Variants in PRKD1 observed in about 807,000 individuals in gnomAD.
PRKD1 encodes serine/threonine-protein kinase D1.
In PRKD1, 63 loss-of-function variants were observed where a neutral mutation model predicts 95.9. The observed-to-expected ratio is 0.66, with a 90% CI of 0.54 to 0.81. The LOEUF (loss-of-function observed/expected upper bound fraction) is 0.81, where lower values mean the gene tolerates loss of function less well. PRKD1 is among the 30% of genes least tolerant of loss of function. The pLI is 0.00. For missense variants in PRKD1, 1,048 were observed against 1,165.3 expected, an observed-to-expected ratio of 0.90 and a Z score of 1.47; for synonymous variants, 425 against 423.1, an observed-to-expected ratio of 1.00 and a Z score of -0.05.
chr14:29,848,646 G>C (rs779908274), intron 1 of PRKD1, among the ~76,000 whole-genome samples: 1 of 149,588 alleles, frequency 6.7e-6, no homozygotes, highest in Non-Finnish European at 1.5e-5. Flanking sequence ...CACATTATCA[G>C]ATTCAAGTGT....
chr14:29,658,193 G>A (rs570393827), intron 4 of PRKD1, among the ~76,000 whole-genome samples: 131 of 152,126 alleles, frequency 8.6e-4, no homozygotes, highest in African/African-American at 3.0e-3. Flanking sequence ...TTTCTGGGCC[G>A]TCGTCACAAT....
At chr14:29,808,700 A>G (rs1261902298) in intron 1 of PRKD1, among the ~76,000 whole-genome samples, 1 of 151,902 alleles carries the variant, frequency 6.6e-6, no homozygotes, top group East Asian at 1.9e-4. Flanking sequence ...TTCAGGTTCT[A>G]CTTCTAATTC....
chr14:29,885,124 T>TTAA (rs1232960518), intron 1 of PRKD1, among the ~76,000 whole-genome samples: 88 of 131,064 alleles, frequency 6.7e-4, no homozygotes, highest in Non-Finnish European at 1.0e-3. Flanking sequence ...CTCCATCTTT[T>TTAA]AAAAAAAAAA....
chr14:29,599,792 T>C lies in PRKD1; in HGVS notation c.1931A>G (p.Asn644Ser), dbSNP rs1303078735. ...LQNLHHPGVV[N>S]LECMFETPER... ...AGGCGTCTCAAACATACACTCCAAA[T>C]TTACAACACCAGGGTGATGAAGGTT... Residue 644 changes from asparagine to serine, a missense_variant, in exon 14 of 18, where the codon AAT (asparagine) becomes AGT (serine). Around this residue, in one of 3 missense-constraint regions of PRKD1, gnomAD observed 739 missense variants for 861.9 expected, o/e 0.86. Transcript: ENST00000331968. 2 of 1,612,406 alleles carry C rather than the reference T, an allele frequency of 1.2e-6. No homozygotes were observed. The highest frequency in any genetic ancestry group is 1.3e-5 in the African/African-American group (1 of 74,858).
chr14:29,926,874 T>G (rs1038738029), intron 1 of PRKD1, among the ~76,000 whole-genome samples: 4 of 152,028 alleles, frequency 2.6e-5, no homozygotes, highest in African/African-American at 9.6e-5. Context: ...GCACCAGGAA[T>G]GCGCTGGTCC....
intron 2 of PRKD1, among the ~76,000 whole-genome samples, chr14:29,690,989 G>C (rs1884200782): frequency 6.6e-6 from 1 of 151,978 alleles, no homozygotes; most frequent in Non-Finnish European, 1.5e-5. Flanking sequence ...ATTTAGTTTT[G>C]ACTTGAACAA....
At chr14:29,790,654 T>C (rs944032010) in intron 1 of PRKD1, among the ~76,000 whole-genome samples, 4 of 152,204 alleles carry the variant, frequency 2.6e-5, no homozygotes, top group East Asian at 1.9e-4. Context: ...CTCTAAACTA[T>C]ACATCCTTCT....
chr14:29,898,637 A>C (rs989500390), intron 1 of PRKD1, among the ~76,000 whole-genome samples: 2 of 152,204 alleles, frequency 1.3e-5, no homozygotes, highest in Non-Finnish European at 2.9e-5. Context: ...AAACACCACT[A>C]GATTGATAAT....
At chr14:29,785,372 T>C (rs936036325) in intron 1 of PRKD1, among the ~76,000 whole-genome samples, 18 of 152,184 alleles carry the variant, frequency 1.2e-4, no homozygotes, top group African/African-American at 3.9e-4. Context: ...TTGGCTACTT[T>C]GTTACTGGTA....
At chr14:29,682,867 C>CA (rs1335028917) in intron 2 of PRKD1, among the ~76,000 whole-genome samples, 1 of 152,112 alleles carries the variant, frequency 6.6e-6, no homozygotes. Context: ...TGCCCAGAGT[C>CA]AAAATGCAAA....
At chr14:29,785,648 A>G (rs1889237008) in intron 1 of PRKD1, among the ~76,000 whole-genome samples, 1 of 150,856 alleles carries the variant, frequency 6.6e-6, no homozygotes, top group African/African-American at 2.4e-5. Flanking sequence ...CAGGAAGGGG[A>G]ACATCACACT....
At chr14:29,757,998 T>C (rs1887790124) in intron 1 of PRKD1, among the ~76,000 whole-genome samples, 1 of 151,924 alleles carries the variant, frequency 6.6e-6, no homozygotes, top group Admixed American at 6.6e-5. Context: ...ATAGCAGACA[T>C]AGGGGAAAAC....
chr14:29,924,781 G>A (rs1895240901), intron 1 of PRKD1, among the ~76,000 whole-genome samples: 2 of 152,008 alleles, frequency 1.3e-5, no homozygotes, highest in South Asian at 2.1e-4. Context: ...TGAAATAAAA[G>A]ACAAAAGAAC....
At chr14:29,806,892 ACAATAAAAC>A (rs1298157256) in intron 1 of PRKD1, among the ~76,000 whole-genome samples, 2 of 152,168 alleles carry the variant, frequency 1.3e-5, no homozygotes, top group South Asian at 4.1e-4. Flanking sequence ...TCAGATCACA[ACAATAAAAC>A]CAATAAAACC....
At chr14:29,618,416 C>T (rs961511056) in intron 13 of PRKD1, among the ~76,000 whole-genome samples, 1 of 151,968 alleles carries the variant, frequency 6.6e-6, no homozygotes, top group Non-Finnish European at 1.5e-5. Flanking sequence ...CCACCACACC[C>T]AGCTAATTTT....
intron 1 of PRKD1, among the ~76,000 whole-genome samples, chr14:29,809,701 G>A (rs1890398394): frequency 6.6e-6 from 1 of 152,164 alleles, no homozygotes. Flanking sequence ...TTAGGATTTG[G>A]CTTAAGGGTA....
At chr14:29,833,946 C>T (rs1891513167) in intron 1 of PRKD1, among the ~76,000 whole-genome samples, 1 of 152,006 alleles carries the variant, frequency 6.6e-6, no homozygotes, top group African/African-American at 2.4e-5. Context: ...TCAAACCTCT[C>T]AAGGCAAAAT....
rs564550184 is a variant in PRKD1, at chr14:29,672,340, C to CA, written c.404-6133dup. Among the ~76,000 whole-genome samples, 224 of 123,664 alleles carry CA rather than the reference C, an allele frequency of 1.8e-3. 1 individual carries two copies. The highest frequency in any genetic ancestry group is 3.9e-3 in the South Asian group (16 of 4,138). 81.1% of individuals were successfully genotyped at this position (123,664 alleles called of 152,430 possible). On this transcript the variant is annotated intron_variant, in intron 2 of 17. Coordinates refer to ENST00000331968, the MANE Select transcript of PRKD1 (RefSeq NM_002742.3). ...TGGGTGACAGAGCGAGACTCTGTCT[C>CA]AAAAAAAAAATAAAATAAAATAAAA...
At chr14:29,901,484 A>G (rs1219320894) in intron 1 of PRKD1, among the ~76,000 whole-genome samples, 1 of 152,236 alleles carries the variant, frequency 6.6e-6, no homozygotes, top group African/African-American at 2.4e-5. Context: ...TCCTTAATCT[A>G]CTATTACTTT....
Sources: allele counts gnomAD v4.1 joint callset (sites outside exome capture counted in the v4.1 genomes callset), GRCh38; gene constraint gnomAD v4.1.1; regional missense constraint gnomAD v4.1.1; transcripts MANE v1.5; gene names NCBI Gene and HGNC (gene_info 2026-07-23, HGNC 2026-07-21).